Variants in TMEM132C observed in about 807,000 individuals in gnomAD.
The protein encoded by TMEM132C is protein phosphatase 1, regulatory subunit 152.
In TMEM132C, 29 loss-of-function variants were observed where a neutral mutation model predicts 61.4. The observed-to-expected ratio is 0.47, with a 90% CI of 0.35 to 0.64. TMEM132C has a LOEUF of 0.64. Among genes scored for constraint, TMEM132C ranks in the 30% least tolerant of loss-of-function variants. The probability of loss-of-function intolerance (pLI) is 0.00; values close to 1 mark genes in which losing one functional copy is unlikely to be tolerated. For synonymous variants in TMEM132C, 656 were observed against 633.1 expected (o/e 1.04, Z -0.54); for missense variants, 1,408 against 1,476.9 (o/e 0.95, Z 0.76).
intron 1 of TMEM132C, among the ~76,000 whole-genome samples, chr12:128,280,383 T>C (rs1032958562): frequency 6.6e-6 from 1 of 152,192 alleles, no homozygotes; most frequent in Admixed American, 6.5e-5. Context: ...AGGTGAGATA[T>C]AGGAGGGGCT....
intron 1 of TMEM132C, among the ~76,000 whole-genome samples, chr12:128,387,461 T>C (rs746484866): frequency 1.3e-4 from 20 of 152,208 alleles, no homozygotes; most frequent in Non-Finnish European, 2.6e-4. Flanking sequence ...CTGAGTTCCA[T>C]TGTAGACTCC....
At chr12:128,666,818 G>C (rs545474740) in intron 4 of TMEM132C, among the ~76,000 whole-genome samples, 1 of 152,228 alleles carries the variant, frequency 6.6e-6, no homozygotes, top group African/African-American at 2.4e-5. Flanking sequence ...ATATTGGTCA[G>C]TGAAAAATAT....
At chr12:128,519,868 T>C (rs550741984) in intron 2 of TMEM132C, among the ~76,000 whole-genome samples, 314 of 152,360 alleles carry the variant, frequency 2.1e-3, no homozygotes, top group South Asian at 3.3e-3. Context: ...CGATGTTGCC[T>C]GTGCGGCCCT....
intron 3 of TMEM132C, among the ~76,000 whole-genome samples, chr12:128,583,438 T>G (rs1875422893): frequency 6.6e-6 from 1 of 151,566 alleles, no homozygotes; most frequent in Non-Finnish European, 1.5e-5. Flanking sequence ...AGCTAAGTAC[T>G]GAAGAAAAGT....
rs1003859744 is a variant in TMEM132C, at chr12:128,673,565, T to G, written c.1449+4005T>G. 4.0e-5 allele frequency among the ~76,000 whole-genome samples: 6 copies of G among 149,818 alleles called. No individual in the cohort carries two copies. The East Asian group carries it at 9.9e-4, about 25-fold the overall frequency. ...AAGCTCCAGAAGAAGGCACTGTCTG[T>G]CTTCCAAGACTGTTCACTATATAAA... On this transcript the variant is annotated intron_variant, in intron 5 of 8. Coordinates refer to ENST00000435159, the MANE Select transcript of TMEM132C (RefSeq NM_001136103.3).
intron 3 of TMEM132C, among the ~76,000 whole-genome samples, chr12:128,561,978 T>G (rs1371807644): frequency 6.6e-6 from 1 of 152,028 alleles, no homozygotes; most frequent in Non-Finnish European, 1.5e-5. Context: ...AGAGAAGAGA[T>G]GGGTGGGGTG....
chr12:128,601,647 A>G (rs1468952898), intron 3 of TMEM132C, among the ~76,000 whole-genome samples: 2 of 148,946 alleles, frequency 1.3e-5, no homozygotes, highest in East Asian at 3.9e-4. Flanking sequence ...AGGCAGGGGC[A>G]CTGAGGTGGA....
chr12:128,473,565 T>C (rs376807867), intron 2 of TMEM132C, among the ~76,000 whole-genome samples: 1,017 of 29,422 alleles, frequency 0.035, 16 homozygotes, highest in South Asian at 0.21. Flanking sequence ...TCTTCATCCT[T>C]ACTCCAGCCT....
intron 1 of TMEM132C, among the ~76,000 whole-genome samples, chr12:128,347,917 C>G (rs1414791655): frequency 6.6e-6 from 1 of 152,188 alleles, no homozygotes; most frequent in Non-Finnish European, 1.5e-5. Flanking sequence ...ACTGTTTTGG[C>G]TATTCTTGGT....
chr12:128,275,193 T>G (rs577607994), intron 1 of TMEM132C, among the ~76,000 whole-genome samples: 2 of 152,322 alleles, frequency 1.3e-5, no homozygotes, highest in South Asian at 4.1e-4. Context: ...TTGGTACTGG[T>G]CCGTGGCCTA....
chr12:128,526,129 T>C (rs1240313218), intron 2 of TMEM132C, among the ~76,000 whole-genome samples: 1 of 151,770 alleles, frequency 6.6e-6, no homozygotes, highest in East Asian at 1.9e-4. Context: ...ATATTTTGAG[T>C]GTGTGCCATG....
intron 2 of TMEM132C, among the ~76,000 whole-genome samples, chr12:128,475,188 G>A (rs1368521831): frequency 6.6e-6 from 1 of 152,136 alleles, no homozygotes; most frequent in Non-Finnish European, 1.5e-5. Context: ...CAGCCAGAAG[G>A]TAAGACCCCG....
chr12:128,691,706 C>T (rs1446185540), intron 5 of TMEM132C, among the ~76,000 whole-genome samples: 1 of 152,174 alleles, frequency 6.6e-6, no homozygotes, highest in Non-Finnish European at 1.5e-5. Context: ...TGTCCATCCA[C>T]CCATCAGTTC....
rs576988843 is a variant in TMEM132C at position 128,297,860 on chromosome 12, A to G, written c.85+30373A>G. Among the ~76,000 whole-genome samples, 5 of 152,352 alleles carry G rather than the reference A, an allele frequency of 3.3e-5. No individual in the cohort carries two copies. The East Asian group carries it at 5.8e-4, about 18-fold the overall frequency. On this transcript the variant is annotated intron_variant, in intron 1 of 8. Coordinates refer to ENST00000435159, the MANE Select transcript of TMEM132C (RefSeq NM_001136103.3). The stretch of plus-strand genomic sequence containing the variant: ...TTATGGGGCCCTGCTCAACCTGTCT[A>G]CAATTCACAATTAAAATAGTACTTA...
At chr12:128,599,317 G>A (rs75816741) in intron 3 of TMEM132C, among the ~76,000 whole-genome samples, 1,923 of 152,308 alleles carry the variant, frequency 0.013, 50 homozygotes, top group East Asian at 0.087. Context: ...GAACTGCCTA[G>A]GATGGGCTTG....
chr12:128,682,459 A>G (rs1954643175), intron 5 of TMEM132C, among the ~76,000 whole-genome samples: 1 of 152,174 alleles, frequency 6.6e-6, no homozygotes, highest in South Asian at 2.1e-4. Flanking sequence ...GCGGAGAGGA[A>G]TGGGAGAACG....
intron 4 of TMEM132C, among the ~76,000 whole-genome samples, chr12:128,665,958 C>A (rs1017355121): frequency 6.7e-6 from 1 of 148,430 alleles, no homozygotes; most frequent in Non-Finnish European, 1.5e-5. Context: ...GGCACACACA[C>A]ACACACGGGC....
chr12:128,282,105 A>C (rs181434426), intron 1 of TMEM132C, among the ~76,000 whole-genome samples: 1 of 152,348 alleles, frequency 6.6e-6, no homozygotes, highest in Non-Finnish European at 1.5e-5. Context: ...GGTGCCTAGA[A>C]CTTTTGTCCC....
Position 128,698,343 on chromosome 12 carries a change from G to A in TMEM132C, c.2121+928G>A, listed in dbSNP as rs12231443. Among the ~76,000 whole-genome samples the A allele has an allele frequency of 5.6e-3, 846 of 152,290 alleles. 29 individuals are homozygous for A. In the East Asian group the frequency reaches 0.096, roughly 17 times the overall value. On this transcript the variant is annotated intron_variant, in intron 8 of 8. Coordinates refer to ENST00000435159, the MANE Select transcript of TMEM132C (RefSeq NM_001136103.3). ...TGGGCTCGTCTGACCCTAACAACCTGCATATGGGTGTTTACCTTGTCTGCA... is the reference window on the plus strand; with the variant it reads ...TGGGCTCGTCTGACCCTAACAACCTACATATGGGTGTTTACCTTGTCTGCA...
Sources: gnomAD v4.1 joint callset for allele counts (sites outside exome capture counted in the v4.1 genomes callset) on GRCh38, gnomAD v4.1.1 for gene constraint, MANE v1.5 for transcripts, NCBI Gene and HGNC (gene_info 2026-07-23, HGNC 2026-07-21) for gene names.